Variants in USH2A observed in about 807,000 individuals in gnomAD.
The protein encoded by USH2A is usherin.
Under a neutral mutation model 538.9 loss-of-function variants are expected in USH2A, and 443 were observed. The ratio of observed to expected loss-of-function variants is 0.82; its 90% CI spans 0.76 to 0.89. USH2A has a LOEUF of 0.89. USH2A is among the 40% of genes least tolerant of loss of function. The pLI is 0.00. For synonymous variants in USH2A, 2,413 were observed against 2,273.5 expected, an observed-to-expected ratio of 1.06 and a Z score of -1.75; for missense variants, 6,633 against 6,324.8, an observed-to-expected ratio of 1.05 and a Z score of -1.65.
intron 32 of USH2A, among the ~76,000 whole-genome samples, chr1:216,041,088 A>T (rs1016550661): frequency 1.3e-5 from 2 of 152,066 alleles, no homozygotes; most frequent in Non-Finnish European, 2.9e-5. Context: ...TATATACCTC[A>T]CGTATTTATC....
At position 215,993,103 on chromosome 1, in the gene USH2A, G is replaced by A. The variant is rs1057518826; in HGVS notation, c.6722C>T (p.Pro2241Leu). ...GGCTTTGGGGGCTGGCACGCCTTCGGGTATGTCCTCGTCAGTTAGGGCCTC... is the reference window on the plus strand; with the variant it reads ...GGCTTTGGGGGCTGGCACGCCTTCGAGTATGTCCTCGTCAGTTAGGGCCTC... ...ASEALTDEDI[P>L]EGVPAPKAHS... The change falls in exon 35 of 72, where the codon CCC becomes CTC. Residue 2241 changes from proline to leucine, a missense_variant. Pro to Leu is a moderately conservative substitution (Grantham distance 98, BLOSUM62 -3). Transcript: ENST00000307340. 1.2e-6 allele frequency: 2 copies of A among 1,614,014 alleles called. No homozygotes were observed. Among genetic ancestry groups the A allele is most frequent in the Non-Finnish European group, 1.7e-6 (2 of 1,179,984 alleles).
At chr1:215,919,310 A>G (rs957654453) in intron 38 of USH2A, among the ~76,000 whole-genome samples, 1 of 152,104 alleles carries the variant, frequency 6.6e-6, no homozygotes, top group African/African-American at 2.4e-5. Flanking sequence ...AACAACTACT[A>G]TGTGTACTGC....
intron 30 of USH2A, among the ~76,000 whole-genome samples, chr1:216,050,323 CA>C (rs1311250412): frequency 1.3e-5 from 2 of 152,068 alleles, no homozygotes; most frequent in Non-Finnish European, 2.9e-5. Context: ...AGTCTGTAAA[CA>C]GATAATAATA....
intron 50 of USH2A, among the ~76,000 whole-genome samples, chr1:215,794,122 G>A (rs1020603234): frequency 6.6e-6 from 1 of 151,986 alleles, no homozygotes; most frequent in Non-Finnish European, 1.5e-5. Flanking sequence ...TCTACACAAC[G>A]CATCTGCCCA....
At chr1:215,916,508 A>G (rs188683677) in intron 38 of USH2A, among the ~76,000 whole-genome samples, 36 of 152,194 alleles carry the variant, frequency 2.4e-4, no homozygotes, top group African/African-American at 5.3e-4. Context: ...AACTTCTCCA[A>G]CATTTCACGG....
intron 43 of USH2A, among the ~76,000 whole-genome samples, chr1:215,875,856 A>AAT (rs1405614377): frequency 6.8e-6 from 1 of 147,400 alleles, no homozygotes; most frequent in Non-Finnish European, 1.5e-5. Context: ...GACAGCAATT[A>AAT]ATATATATAT....
intron 2 of USH2A, among the ~76,000 whole-genome samples, chr1:216,421,616 T>C (rs553855879): frequency 1.3e-5 from 2 of 152,302 alleles, no homozygotes; most frequent in African/African-American, 4.8e-5. Context: ...AGAAAATAAA[T>C]GATTCCTGCA....
intron 3 of USH2A, among the ~76,000 whole-genome samples, chr1:216,408,770 C>A (rs904643495): frequency 6.6e-6 from 1 of 152,126 alleles, no homozygotes; most frequent in Non-Finnish European, 1.5e-5. Context: ...ACACAAGTTA[C>A]AACTGTGATA....
chr1:215,683,084 A>T (rs1048943531), intron 61 of USH2A, among the ~76,000 whole-genome samples: 6 of 151,798 alleles, frequency 4.0e-5, no homozygotes, highest in African/African-American at 1.5e-4. Context: ...ATTGGGTATC[A>T]CTATGTTGCC....
intron 61 of USH2A, among the ~76,000 whole-genome samples, chr1:215,715,645 C>T (rs1218268598): frequency 4.6e-5 from 7 of 152,306 alleles, no homozygotes; most frequent in African/African-American, 9.6e-5. Flanking sequence ...TATTTCCATA[C>T]GAGTTCCTTT....
At chr1:216,280,002 G>A (rs940218535) in intron 11 of USH2A, among the ~76,000 whole-genome samples, 2 of 151,766 alleles carry the variant, frequency 1.3e-5, no homozygotes, top group Admixed American at 1.3e-4. Context: ...CCTTGGGTCA[G>A]GATCAGACTG....
chr1:215,722,849 T>C (rs1208715583), intron 61 of USH2A, among the ~76,000 whole-genome samples: 1 of 152,202 alleles, frequency 6.6e-6, no homozygotes, highest in Admixed American at 6.5e-5. Context: ...AGGGCACAGA[T>C]AATAGGTAAA....
chr1:215,708,644 A>C (rs1659250975), intron 61 of USH2A, among the ~76,000 whole-genome samples: 1 of 152,130 alleles, frequency 6.6e-6, no homozygotes. Context: ...TTGCGTGCGC[A>C]GTTCATAATA....
In USH2A at chr1:216,213,940, A is replaced by C. The variant is rs2035294765; in HGVS notation, c.3157+3447T>G. 2.0e-5 allele frequency among the ~76,000 whole-genome samples: 3 copies of C among 152,100 alleles called. No homozygotes were observed. The South Asian group carries it at 6.2e-4, about 31-fold the overall frequency. Reference sequence around the variant, plus strand: ...CCAAAAATCACATGAATGACAATACACATGAAAAGTTGTTCAACATTAGTC... The same window carrying C: ...CCAAAAATCACATGAATGACAATACCCATGAAAAGTTGTTCAACATTAGTC... On this transcript the variant is annotated intron_variant, in intron 15 of 71. Coordinates refer to ENST00000307340, the MANE Select transcript of USH2A (RefSeq NM_206933.4).
At chr1:216,122,221 C>T (rs76134270) in intron 21 of USH2A, among the ~76,000 whole-genome samples, 1,798 of 152,174 alleles carry the variant, frequency 0.012, 33 homozygotes, top group African/African-American at 0.041. Context: ...AGTATGACTA[C>T]CCAGCTGCAA....
intron 21 of USH2A, among the ~76,000 whole-genome samples, chr1:216,172,495 T>C (rs1162152315): frequency 6.6e-6 from 1 of 152,120 alleles, no homozygotes; most frequent in Non-Finnish European, 1.5e-5. Flanking sequence ...AAAATGTAAT[T>C]CATCATATTA....
chr1:215,712,463 A>C (rs781207984), intron 61 of USH2A, among the ~76,000 whole-genome samples: 13 of 152,206 alleles, frequency 8.5e-5, no homozygotes, highest in African/African-American at 1.4e-4. Context: ...GGCCCTCGGC[A>C]GTGTCACCAA....
chr1:215,712,011 A>C (rs1659350018), intron 61 of USH2A, among the ~76,000 whole-genome samples: 1 of 152,218 alleles, frequency 6.6e-6, no homozygotes, highest in South Asian at 2.1e-4. Flanking sequence ...TATTCCACTA[A>C]TAAATAATTA....
At chr1:216,069,395 A>G (rs1169959140) in intron 30 of USH2A, among the ~76,000 whole-genome samples, 3 of 152,182 alleles carry the variant, frequency 2.0e-5, no homozygotes, top group Non-Finnish European at 4.4e-5. Flanking sequence ...CTGATGGTTC[A>G]CGTTATAGGA....
Sources: gnomAD v4.1 joint callset for allele counts (sites outside exome capture counted in the v4.1 genomes callset) on GRCh38, gnomAD v4.1.1 for gene constraint, MANE v1.5 for transcripts, NCBI Gene and HGNC (gene_info 2026-07-23, HGNC 2026-07-21) for gene names.